MSH4: variants seen among roughly 807,000 people sequenced by gnomAD.
MSH4 encodes the protein mutS protein homolog 4.
A neutral mutation model predicts 113.7 loss-of-function variants in MSH4; 106 were observed. That is an observed-to-expected ratio of 0.93 (90% CI 0.80 to 1.10). The LOEUF is 1.10. Ranked by LOEUF, MSH4 falls within the 50% of genes least tolerant of loss-of-function variation. The pLI is 0.00. For synonymous variants in MSH4, 368 were observed against 380.2 expected, an observed-to-expected ratio of 0.97 and a Z score of 0.37; for missense variants, 1,061 against 1,093.7, an observed-to-expected ratio of 0.97 and a Z score of 0.42.
In MSH4 at chr1:75,804,550, G is replaced by A. The variant is rs953944732; in HGVS notation, c.427+637G>A. Among the ~76,000 whole-genome samples the A allele has an allele frequency of 4.5e-4, 61 of 135,368 alleles. 1 individual carries two copies. The highest frequency in any genetic ancestry group is 1.3e-3 in the African/African-American group (48 of 35,952). 88.8% of individuals were successfully genotyped at this position (135,368 alleles called of 152,430 possible). A position where few individuals can be genotyped will look rare whatever the true frequency, so the allele number is the denominator to read the frequency against. On this transcript the variant is annotated intron_variant, in intron 2 of 19. Coordinates refer to ENST00000263187, the MANE Select transcript of MSH4 (RefSeq NM_002440.4). ...TTTTGAGACAGAATCTCACTGTGTCGCCCAGGCTGGAATGCAGTGGTGTGA... is the reference window on the plus strand; with the variant it reads ...TTTTGAGACAGAATCTCACTGTGTCACCCAGGCTGGAATGCAGTGGTGTGA...
chr1:75,902,829 T>G (rs1652540080), intron 19 of MSH4, among the ~76,000 whole-genome samples: 1 of 149,854 alleles, frequency 6.7e-6, no homozygotes, highest in Non-Finnish European at 1.5e-5. Flanking sequence ...TTGAGAAACA[T>G]CTATTCAGAT....
At chr1:75,874,289 T>G (rs1031546450) in intron 9 of MSH4, among the ~76,000 whole-genome samples, 1 of 152,182 alleles carries the variant, frequency 6.6e-6, no homozygotes, top group African/African-American at 2.4e-5. Flanking sequence ...TAAAAACACT[T>G]TCTTGAACAG....
intron 16 of MSH4, 63 bp from the exon 17 acceptor site, chr1:75,890,633 T>G: frequency 1.2e-6 from 1 of 862,228 alleles, no homozygotes; most frequent in Non-Finnish European, 1.7e-6. Context: ...TCTCCTCATT[T>G]TTTCCTGTGA....
intron 17 of MSH4, among the ~76,000 whole-genome samples, chr1:75,891,911 A>G (rs750090595): frequency 1.3e-5 from 2 of 152,228 alleles, no homozygotes; most frequent in Non-Finnish European, 2.9e-5. Context: ...ACTTAAGATT[A>G]AAAGCTAATT....
intron 1 of MSH4, among the ~76,000 whole-genome samples, chr1:75,798,288 C>T (rs1229141761): frequency 1.3e-5 from 2 of 152,146 alleles, no homozygotes. Flanking sequence ...CTGGTCTTCT[C>T]TTAAACTCTT....
intron 15 of MSH4, 128 bp from the exon 16 acceptor site, chr1:75,889,123 C>T (rs1652194542): frequency 3.8e-6 from 2 of 521,922 alleles, no homozygotes; most frequent in Non-Finnish European, 6.9e-6. Context: ...GGGGTCATGT[C>T]TTCTAATGCC....
chr1:75,871,151 G>A (rs1407126699), intron 9 of MSH4, among the ~76,000 whole-genome samples: 1 of 152,136 alleles, frequency 6.6e-6, no homozygotes, highest in East Asian at 1.9e-4. Context: ...AAGGCAGCAG[G>A]AAAGAGAAGG....
chr1:75,898,518 A>ATG (rs1228076928), intron 18 of MSH4, among the ~76,000 whole-genome samples: 1 of 108,192 alleles, frequency 9.2e-6, no homozygotes, highest in East Asian at 2.2e-4. Flanking sequence ...TTACCAAACC[A>ATG]TATTTTTTTT....
intron 7 of MSH4, among the ~76,000 whole-genome samples, chr1:75,832,806 A>G (rs1650733408): frequency 6.6e-6 from 1 of 152,172 alleles, no homozygotes; most frequent in Non-Finnish European, 1.5e-5. Context: ...ATAGCTATTT[A>G]TGACACACCC....
intron 17 of MSH4, among the ~76,000 whole-genome samples, chr1:75,897,336 C>A (rs1490925607): frequency 6.6e-6 from 1 of 152,072 alleles, no homozygotes; most frequent in Non-Finnish European, 1.5e-5. Context: ...TGTTTGAGAG[C>A]CATTATCTTA....
chr1:75,858,802 C>T (rs1028676179), intron 8 of MSH4, among the ~76,000 whole-genome samples: 4 of 152,116 alleles, frequency 2.6e-5, no homozygotes, highest in African/African-American at 9.7e-5. Flanking sequence ...AAGAGAATTC[C>T]CTCTTTTTCT....
intron 7 of MSH4, among the ~76,000 whole-genome samples, chr1:75,831,163 A>T (rs1650680208): frequency 6.6e-6 from 1 of 152,232 alleles, no homozygotes; most frequent in Non-Finnish European, 1.5e-5. Flanking sequence ...AACAGATTTT[A>T]AACCAACAAA....
intron 14 of MSH4, among the ~76,000 whole-genome samples, chr1:75,883,225 T>G (rs1651975035): frequency 6.6e-6 from 1 of 151,144 alleles, no homozygotes; most frequent in Non-Finnish European, 1.5e-5. Context: ...TAGGCTGGTC[T>G]TGAACTCCTG....
At position 75,822,376 on chromosome 1, in the gene MSH4, GTAT is replaced by G. The variant is rs747246976; in HGVS notation, c.990-31_990-29del. The G allele has an allele frequency of 1.1e-5, 15 of 1,365,616 alleles. No individual in the cohort carries two copies. The East Asian group carries it at 1.4e-4, about 13-fold the overall frequency. 84.6% of individuals were successfully genotyped at this position (1,365,616 alleles called of 1,614,324 possible). A position where few individuals can be genotyped will look rare whatever the true frequency, so the allele number is the denominator to read the frequency against. ...ATGAAATTTTCTTGCGTTTTTCTTT[GTAT>G]TCTTACTGACATTTCTTGTGTTTTG... On this transcript the variant is annotated intron_variant, in intron 6 of 19. Transcript: ENST00000263187.
At chr1:75,825,591 G>A (rs538186267) in intron 7 of MSH4, among the ~76,000 whole-genome samples, 265 of 152,256 alleles carry the variant, frequency 1.7e-3, no homozygotes, top group Middle Eastern at 3.4e-3. Flanking sequence ...TATGATATTG[G>A]CTGTGGGTTT....
intron 19 of MSH4, among the ~76,000 whole-genome samples, chr1:75,902,389 T>C (rs1652524188): frequency 6.6e-6 from 1 of 151,870 alleles, no homozygotes; most frequent in African/African-American, 2.4e-5. Context: ...CAGTGACAGT[T>C]ATTTCCATCT....
At chr1:75,839,723 G>T (rs917696975) in intron 7 of MSH4, among the ~76,000 whole-genome samples, 1 of 150,008 alleles carries the variant, frequency 6.7e-6, no homozygotes, top group African/African-American at 2.5e-5. Flanking sequence ...CCATCAGAGT[G>T]AACAGGCAAC....
At chr1:75,804,710 C>T (rs898169119) in intron 2 of MSH4, among the ~76,000 whole-genome samples, 2 of 151,900 alleles carry the variant, frequency 1.3e-5, no homozygotes, top group Non-Finnish European at 2.9e-5. Context: ...GGGGTTTCAC[C>T]ATACTGGCCA....
Position 75,822,392 on chromosome 1 carries a change from T to C in MSH4, c.990-17T>C. 1 of 1,509,156 alleles carries C rather than the reference T, an allele frequency of 6.6e-7. No homozygotes were observed. The highest frequency in any genetic ancestry group is 8.9e-7 in the Non-Finnish European group (1 of 1,125,684). 93.5% of individuals were successfully genotyped at this position (1,509,156 alleles called of 1,614,324 possible). A position where few individuals can be genotyped will look rare whatever the true frequency, so the allele number is the denominator to read the frequency against. ...TTTTTCTTTGTATTCTTACTGACAT[T>C]TCTTGTGTTTTGAAAGGAATAATCA... On this transcript the variant is annotated splice_polypyrimidine_tract_variant and intron_variant, in intron 6 of 19. Coordinates refer to ENST00000263187, the MANE Select transcript of MSH4 (RefSeq NM_002440.4).
Sources: gnomAD v4.1 joint callset for allele counts (sites outside exome capture counted in the v4.1 genomes callset) on GRCh38, gnomAD v4.1.1 for gene constraint, MANE v1.5 for transcripts, NCBI Gene and HGNC (gene_info 2026-07-23, HGNC 2026-07-21) for gene names.